PLCG2: variants seen among roughly 807,000 people sequenced by gnomAD.
PLCG2 encodes the protein phospholipase C gamma 2, also known as 1-phosphatidylinositol 4,5-bisphosphate phosphodiesterase gamma-2.
PLCG2 carries 69 observed loss-of-function variants against 175.6 expected under a neutral mutation model. The ratio of observed to expected loss-of-function variants is 0.39; its 90% CI spans 0.32 to 0.48. PLCG2 has a LOEUF of 0.48. PLCG2 is among the 20% of genes least tolerant of loss of function. The pLI is 0.91. For synonymous variants in PLCG2, 827 were observed against 624.0 expected, an observed-to-expected ratio of 1.33 and a Z score of -4.85; for missense variants, 1,798 against 1,650.9, an observed-to-expected ratio of 1.09 and a Z score of -1.54.
chr16:81,745,528 C>G (rs1438359252), intron 1 of PLCG2, among the ~76,000 whole-genome samples: 17 of 152,176 alleles, frequency 1.1e-4, no homozygotes, highest in Admixed American at 1.1e-3. Context: ...CCACAGACTG[C>G]AGGCCATATG....
At chr16:81,926,639 A>T (rs555036869) in intron 22 of PLCG2, among the ~76,000 whole-genome samples, 50 of 152,314 alleles carry the variant, frequency 3.3e-4, no homozygotes, top group African/African-American at 1.2e-3. Context: ...ACTCACGTTT[A>T]TGCATTTTTC....
chr16:81,818,640 G>A (rs1904656699), intron 2 of PLCG2, among the ~76,000 whole-genome samples: 1 of 152,080 alleles, frequency 6.6e-6, no homozygotes, highest in Non-Finnish European at 1.5e-5. Flanking sequence ...GAGCCAACTA[G>A]CCGGGCATAC....
chr16:81,840,129 TTCTCATTG>T (rs1465257978), intron 2 of PLCG2, among the ~76,000 whole-genome samples: 1 of 152,258 alleles, frequency 6.6e-6, no homozygotes, highest in African/African-American at 2.4e-5. Flanking sequence ...GCTCCTCATT[TTCTCATTG>T]TCTCCTGAGT....
At chr16:81,948,533 G>C (rs1274406284) in intron 31 of PLCG2, among the ~76,000 whole-genome samples, 1 of 152,172 alleles carries the variant, frequency 6.6e-6, no homozygotes, top group Non-Finnish European at 1.5e-5. Flanking sequence ...CCAGGATGTT[G>C]TGCACTAGAT....
At chr16:81,778,960 CGGGAGTGTGTTAAGTATACG>C (rs904161965), upstream of PLCG2, among the ~76,000 whole-genome samples, 10 of 152,186 alleles carry the variant, frequency 6.6e-5, no homozygotes, top group Non-Finnish European at 1.2e-4. Flanking sequence ...GGCGCCCGGC[CGGGAGTGTGTTAAGTATACG>C]GCAAACACCT....
At chr16:81,847,613 G>A (rs905502532) in intron 2 of PLCG2, among the ~76,000 whole-genome samples, 4 of 152,176 alleles carry the variant, frequency 2.6e-5, no homozygotes, top group African/African-American at 9.7e-5. Context: ...TATGCAGTCA[G>A]TCCTCTGTAT....
intron 31 of PLCG2, among the ~76,000 whole-genome samples, chr16:81,951,541 G>A (rs750925522): frequency 6.6e-5 from 10 of 152,178 alleles, no homozygotes; most frequent in Admixed American, 2.6e-4. Flanking sequence ...ACCAAAGTAA[G>A]AAGAACAATG....
intron 2 of PLCG2, among the ~76,000 whole-genome samples, chr16:81,759,581 C>T (rs1392475647): frequency 6.6e-6 from 1 of 152,182 alleles, no homozygotes; most frequent in Non-Finnish European, 1.5e-5. Context: ...ATCCTACTTC[C>T]TCCAAAGTTT....
At chr16:81,759,324 A>G (rs1344002817) in intron 2 of PLCG2, among the ~76,000 whole-genome samples, 1 of 152,214 alleles carries the variant, frequency 6.6e-6, no homozygotes, top group African/African-American at 2.4e-5. Flanking sequence ...GAAAAAGCCA[A>G]AAATGTATAA....
chr16:81,858,340 C>G lies in PLCG2; in HGVS notation c.415C>G (p.Pro139Ala), dbSNP rs372085742. ...CCAGGAAGCGATGAATGCGTCCACGCCCACCATTATCGAGAGGTAGTTGGC... is the reference window on the plus strand; with the variant it reads ...CCAGGAAGCGATGAATGCGTCCACGGCCACCATTATCGAGAGGTAGTTGGC... ...LHQEAMNASTPTIIESWLRKQ... is the reference protein window; with the variant it reads ...LHQEAMNASTATIIESWLRKQ... Residue 139 changes from proline (P) to alanine (A), a missense_variant, in exon 4 of 33, where the codon CCC becomes GCC. Coordinates refer to ENST00000564138, the MANE Select transcript of PLCG2 (RefSeq NM_002661.5). 9.3e-6 allele frequency: 15 copies of G among 1,612,930 alleles called. No homozygotes were observed. Among genetic ancestry groups the G allele is most frequent in the Non-Finnish European group, 1.3e-5 (15 of 1,179,018 alleles).
chr16:81,840,638 G>C lies in PLCG2; in HGVS notation c.194-13806G>C, dbSNP rs77146682. ...TGCAGTTCTCAATAAGGTTTGTGCTGCCATGAGAATCTAACGCCGCTGATG... is the reference window on the plus strand; with the variant it reads ...TGCAGTTCTCAATAAGGTTTGTGCTCCCATGAGAATCTAACGCCGCTGATG... On this transcript the variant is annotated intron_variant, in intron 2 of 32. Transcript: ENST00000564138. 8.4e-3 allele frequency among the ~76,000 whole-genome samples: 1,283 copies of C among 152,222 alleles called. 19 individuals are homozygous for C. The highest frequency in any genetic ancestry group is 0.028 in the African/African-American group (1,142 of 41,502).
chr16:81,855,074 G>A (rs746639875), intron 3 of PLCG2, among the ~76,000 whole-genome samples: 6 of 151,854 alleles, frequency 4.0e-5, no homozygotes, highest in African/African-American at 7.3e-5. Context: ...GCTGGGTGTG[G>A]TGGTGCGCAC....
chr16:81,950,943 T>TA (rs1454854172), intron 31 of PLCG2, among the ~76,000 whole-genome samples: 1 of 151,114 alleles, frequency 6.6e-6, no homozygotes, highest in Non-Finnish European at 1.5e-5. Flanking sequence ...AAAACACAAA[T>TA]AAAAATAAAA....
intron 22 of PLCG2, 124 bp downstream of exon 22, chr16:81,923,718 G>C (rs1388407920): frequency 1.7e-6 from 1 of 595,042 alleles, no homozygotes; most frequent in Admixed American, 2.8e-5. Context: ...TTGACCTCTT[G>C]TGTTAAGTCC....
At chr16:81,921,309 A>G in intron 21 of PLCG2, 40 bp downstream of exon 21, 1 of 1,328,030 alleles carries the variant, frequency 7.5e-7, no homozygotes. Flanking sequence ...TTTTGGAGTC[A>G]CGAGGCTGAT....
At chr16:81,911,429 G>A (rs2143659838) in intron 18 of PLCG2, among the ~76,000 whole-genome samples, 1 of 152,154 alleles carries the variant, frequency 6.6e-6, no homozygotes. Flanking sequence ...TGGGCTGCTT[G>A]GGTGGATGAA....
chr16:81,841,137 G>GT (rs1371736244), intron 2 of PLCG2, among the ~76,000 whole-genome samples: 8 of 152,192 alleles, frequency 5.3e-5, no homozygotes, highest in African/African-American at 1.9e-4. Context: ...CAACTCTGTT[G>GT]TTTATTATCT....
At chr16:81,760,151 AT>A (rs1224880865) in intron 2 of PLCG2, among the ~76,000 whole-genome samples, 4 of 152,184 alleles carry the variant, frequency 2.6e-5, no homozygotes, top group African/African-American at 9.6e-5. Context: ...AGAATGAGGA[AT>A]TTATTAAAGG....
At chr16:81,861,028 C>T (rs185476028) in intron 5 of PLCG2, among the ~76,000 whole-genome samples, 48 of 152,066 alleles carry the variant, frequency 3.2e-4, no homozygotes, top group East Asian at 9.7e-4. Flanking sequence ...AAACCCACCA[C>T]GACAAGAAAA....
Sources: gnomAD v4.1 joint callset for allele counts (sites outside exome capture counted in the v4.1 genomes callset) on GRCh38, gnomAD v4.1.1 for gene constraint, MANE v1.5 for transcripts, NCBI Gene and HGNC (gene_info 2026-07-23, HGNC 2026-07-21) for gene names.